Variants in FAM217A observed in about 807,000 individuals in gnomAD.
The protein encoded by FAM217A is protein FAM217A.
In FAM217A, 13 loss-of-function variants were observed where a neutral mutation model predicts 18.5. That is an observed-to-expected ratio of 0.70 (90% CI 0.46 to 1.12). The LOEUF (loss-of-function observed/expected upper bound fraction) is 1.12. Ranked by LOEUF, FAM217A falls within the 50% of genes most tolerant of loss-of-function variation. FAM217A has a pLI of 0.00. For missense variants in FAM217A, 560 were observed against 575.4 expected, an observed-to-expected ratio of 0.97 and a Z score of 0.27; for synonymous variants, 161 against 202.8, an observed-to-expected ratio of 0.79 and a Z score of 1.75.
intron 4 of FAM217A, among the ~76,000 whole-genome samples, chr6:4,073,913 C>T (rs1401864930): frequency 6.6e-6 from 1 of 152,158 alleles, no homozygotes; most frequent in Non-Finnish European, 1.5e-5. Context: ...GGGGCACGAA[C>T]TCGGCTCACT....
intron 1 of FAM217A, among the ~76,000 whole-genome samples, chr6:4,086,753 G>A (rs13210391): frequency 0.052 from 7,908 of 152,234 alleles, 266 homozygotes; most frequent in Non-Finnish European, 0.07. Flanking sequence ...AAATCTAAAA[G>A]TAGCTGTAAC....
At position 4,079,106 on chromosome 6, in the gene FAM217A, G is replaced by A. The variant is rs1404315729; in HGVS notation, c.-289C>T. The stretch of plus-strand genomic sequence containing the variant: ...CCGGGGCCCAGAGAGACCTTCCGGG[G>A]CCGGGGCTGCGGCTCCGCGGGCTTC... On this transcript the variant is annotated 5_prime_UTR_variant, in exon 1 of 7. Coordinates refer to ENST00000274673, the MANE Select transcript of FAM217A (RefSeq NM_173563.3). 3 of 350,902 alleles carry A rather than the reference G, an allele frequency of 8.5e-6. No homozygotes were observed. Among genetic ancestry groups the A allele is most frequent in the African/African-American group, 6.5e-5 (3 of 46,286 alleles). The allele number at this position is 350,902 out of a possible 1,614,324, so 21.7% of individuals were successfully genotyped here. A position where few individuals can be genotyped will look rare whatever the true frequency, so the allele number is the denominator to read the frequency against.
At chr6:4,070,716 C>T (rs1769343225) in intron 6 of FAM217A, among the ~76,000 whole-genome samples, 1 of 152,154 alleles carries the variant, frequency 6.6e-6, no homozygotes, top group Non-Finnish European at 1.5e-5. Flanking sequence ...TTGAAAAATA[C>T]TTTCGAGGCC....
rs143877568 is a variant in FAM217A at position 4,069,573 on chromosome 6, C to T, written c.650G>A (p.Ser217Asn). 165 of 1,614,010 alleles carry T rather than the reference C, an allele frequency of 1.0e-4. 1 individual carries two copies. In the African/African-American group the frequency reaches 2.0e-3, roughly 19 times the overall value. ...ENEKTNDTLL[S>N]YFKKVDLNLK... ...GTTCAGGTCCACCTTTTTAAAATAG[C>T]TGAGTAAAGTATCATTTGTCTTCTC... The change falls in exon 7 of 7, where the codon AGC becomes AAC. Residue 217 changes from serine to asparagine, a missense_variant. Coordinates refer to ENST00000274673, the MANE Select transcript of FAM217A (RefSeq NM_173563.3).
chr6:4,069,193 G>T lies in FAM217A; in HGVS notation c.1030C>A (p.Pro344Thr). Residue 344 changes from proline (P) to threonine (T), a missense_variant, in exon 7 of 7, where the codon CCT becomes ACT. Pro to Thr is a conservative substitution (Grantham distance 38, BLOSUM62 -1). Coordinates refer to ENST00000274673, the MANE Select transcript of FAM217A (RefSeq NM_173563.3). ...TTTTCTTGACTTTTATCTACACAAG[G>T]TATCTGAAGACTCAAAGAGTCGCAA... ...KLCDSLSLQI[P>T]CVDKSQEKSK... The T allele has an allele frequency of 2.5e-6, 4 of 1,614,118 alleles. No homozygotes were observed. Among genetic ancestry groups the T allele is most frequent in the South Asian group, 2.2e-5 (2 of 91,078 alleles).
In FAM217A at chr6:4,069,505, C is replaced by T. The variant is rs150752718; in HGVS notation, c.718G>A (p.Glu240Lys). The T allele has an allele frequency of 6.0e-5, 97 of 1,613,966 alleles. No individual in the cohort carries two copies. The highest frequency in any genetic ancestry group is 7.6e-5 in the Non-Finnish European group (90 of 1,180,028). The change falls in exon 7 of 7, where the codon GAG becomes AAG. Residue 240 changes from glutamate to lysine, a missense_variant. Transcript: ENST00000274673. The part of the protein sequence containing the change: ...TIKNVEEPFT[E>K]EPNEVFPYPD... The stretch of plus-strand genomic sequence containing the variant: ...TATGGAAATACTTCATTTGGCTCCT[C>T]GGTGAAAGGTTCCTCAACATTTTTT...
Position 4,078,832 on chromosome 6 carries a change from G to A in FAM217A, c.-35+20C>T, listed in dbSNP as rs1422319398. 6.6e-6 allele frequency: 3 copies of A among 452,492 alleles called. No homozygotes were observed. The highest frequency in any genetic ancestry group is 6.1e-5 in the African/African-American group (3 of 48,996). The allele number at this position is 452,492 out of a possible 1,614,324, so 28.0% of individuals were successfully genotyped here. A position where few individuals can be genotyped will look rare whatever the true frequency, so the allele number is the denominator to read the frequency against. On this transcript the variant is annotated intron_variant, in intron 1 of 6. Coordinates refer to ENST00000274673, the MANE Select transcript of FAM217A (RefSeq NM_173563.3). ...AGGAGGGGGCTGCGGGATTCCCCGG[G>A]GCCGGGGCTCTCAACCCACCGCGCG...
At chr6:4,085,311 A>AATATAT (rs10636236) in intron 1 of FAM217A, among the ~76,000 whole-genome samples, 3,267 of 146,398 alleles carry the variant, frequency 0.022, 137 homozygotes, top group African/African-American at 0.076. Context: ...TGTAAAAAAA[A>AATATAT]ATATATATAT....
At chr6:4,070,217 A>G (rs1035142881) in intron 6 of FAM217A, among the ~76,000 whole-genome samples, 1 of 152,226 alleles carries the variant, frequency 6.6e-6, no homozygotes, top group African/African-American at 2.4e-5. Context: ...GACAAAGGTT[A>G]AAAGTGGCTA....
At chr6:4,082,486 T>C (rs1581903882), upstream of FAM217A, among the ~76,000 whole-genome samples, 1 of 152,220 alleles carries the variant, frequency 6.6e-6, no homozygotes, top group Admixed American at 6.5e-5. Flanking sequence ...AATGCTTTTT[T>C]CCCAAAGCCA....
chr6:4,077,530 C>G, intron 1 of FAM217A, 82 bp from the exon 2 acceptor site: 2 of 1,169,164 alleles, frequency 1.7e-6, no homozygotes, highest in South Asian at 2.5e-5. Flanking sequence ...GATTTCCCAT[C>G]TAAAGGAGGT....
At chr6:4,073,730 CATTAAG>C (rs1339610912) in intron 4 of FAM217A, among the ~76,000 whole-genome samples, 1 of 152,118 alleles carries the variant, frequency 6.6e-6, no homozygotes, top group African/African-American at 2.4e-5. Context: ...ACTTGAATAT[CATTAAG>C]ATTGTCTTTA....
At chr6:4,071,438 C>T (rs1288284761) in intron 6 of FAM217A, among the ~76,000 whole-genome samples, 2 of 152,122 alleles carry the variant, frequency 1.3e-5, no homozygotes, top group African/African-American at 4.8e-5. Flanking sequence ...TCCTCACAGC[C>T]TCATGAGATA....
chr6:4,079,376 C>T (rs1770103141), upstream of FAM217A: 1 of 282,260 alleles, frequency 3.5e-6, no homozygotes, highest in Admixed American at 5.1e-5. Flanking sequence ...GCGCAGCCCA[C>T]TCGGCCATCC....
chr6:4,069,060 C>T lies in FAM217A; in HGVS notation c.1163G>A (p.Ser388Asn). The T allele has an allele frequency of 1.2e-6, 2 of 1,613,958 alleles. No individual in the cohort carries two copies. The highest frequency in any genetic ancestry group is 2.7e-5 in the African/African-American group (2 of 75,020). The change falls in exon 7 of 7, where the codon AGT becomes AAT. Residue 388 changes from serine (S) to asparagine (N), a missense_variant. Physicochemically the swap from Ser to Asn is conservative, Grantham distance 46. Coordinates refer to ENST00000274673, the MANE Select transcript of FAM217A (RefSeq NM_173563.3). ...AATCAATTGTTTTGGGGTGGAAGAA[C>T]TTTTTAGAGACAGTGGTCTAGAATT... is the stretch of plus-strand genomic sequence containing the variant. ...RWNSRPLSLKSSSTPKQLIET... is the reference protein window; with the variant it reads ...RWNSRPLSLKNSSTPKQLIET...
upstream of FAM217A, chr6:4,087,123 C>A: frequency 7.4e-6 from 3 of 407,302 alleles, no homozygotes; most frequent in African/African-American, 2.0e-5. Flanking sequence ...GTCTGTGGAG[C>A]CTTAATTAGG....
In FAM217A at chr6:4,078,860, G is replaced by A; in HGVS notation, c.-43C>T. ...CGGGGCTCTCAACCCACCGCGCGAA[G>A]GCCCACGTGTCCTCCCCGGCGTGCT... On this transcript the variant is annotated 5_prime_UTR_variant, in exon 1 of 7. Transcript: ENST00000274673. 1 of 478,092 alleles carries A rather than the reference G, an allele frequency of 2.1e-6. No homozygotes were observed. The highest frequency in any genetic ancestry group is 3.2e-5 in the South Asian group (1 of 31,166). 29.6% of individuals were successfully genotyped at this position (478,092 alleles called of 1,614,324 possible).
chr6:4,086,116 A>AGGAAGGAAG (rs1230083990), intron 1 of FAM217A, among the ~76,000 whole-genome samples: 2 of 152,046 alleles, frequency 1.3e-5, no homozygotes, highest in African/African-American at 4.8e-5. Context: ...GAAAGAAAAA[A>AGGAAGGAAG]GGAAGGAAGG....
Position 4,069,277 on chromosome 6 carries a change from C to CT in FAM217A, c.945dup (p.Ala316SerfsTer4). ...GAGGAAGAGGGTCGTTCAGTAACTG[C>CT]TGGAGTACAGAAAGTCGTTTGTAGT... is the stretch of plus-strand genomic sequence containing the variant. On this transcript the variant is annotated frameshift_variant, in exon 7 of 7. Transcript: ENST00000274673. LOFTEE classifies it low-confidence loss of function (END_TRUNC). The CT allele has an allele frequency of 6.2e-7, 1 of 1,614,154 alleles. No homozygotes were observed. The highest frequency in any genetic ancestry group is 8.5e-7 in the Non-Finnish European group (1 of 1,180,026).
Sources: gnomAD v4.1 joint callset for allele counts (sites outside exome capture counted in the v4.1 genomes callset) on GRCh38, gnomAD v4.1.1 for gene constraint, MANE v1.5 for transcripts, NCBI Gene and HGNC (gene_info 2026-07-23, HGNC 2026-07-21) for gene names.